Variants in NRXN1 observed in about 807,000 individuals in gnomAD.
NRXN1 encodes the protein neurexin 1, also known as neurexin-1.
NRXN1 carries 39 observed loss-of-function variants against 150.9 expected under a neutral mutation model. The observed-to-expected ratio is 0.26, with a 90% CI of 0.20 to 0.34. NRXN1 has a LOEUF of 0.34. Among genes scored for constraint, NRXN1 ranks in the 10% least tolerant of loss-of-function variants. NRXN1 has a pLI of 1.00. For missense variants in NRXN1, 1,815 were observed against 1,949.9 expected (o/e 0.93, Z 1.30); for synonymous variants, 924 against 757.0 (o/e 1.22, Z -3.62).
chr2:50,391,278 T>C (rs1021697419), intron 17 of NRXN1, among the ~76,000 whole-genome samples: 1 of 151,228 alleles, frequency 6.6e-6, no homozygotes, highest in Non-Finnish European at 1.5e-5. Flanking sequence ...AATGCTGGAA[T>C]AAAAGAGAAG....
chr2:50,693,134 C>G (rs1692307505), intron 5 of NRXN1, among the ~76,000 whole-genome samples: 2 of 152,076 alleles, frequency 1.3e-5, no homozygotes, highest in African/African-American at 2.4e-5. Context: ...TTCTGATAGG[C>G]CAAGGTTTTT....
intron 5 of NRXN1, among the ~76,000 whole-genome samples, chr2:50,800,496 A>G (rs979678972): frequency 6.6e-6 from 1 of 152,212 alleles, no homozygotes; most frequent in Non-Finnish European, 1.5e-5. Flanking sequence ...ATGAGTTGCT[A>G]CTGCCTAACT....
At chr2:50,536,445 A>G (rs773689277) in intron 10 of NRXN1, among the ~76,000 whole-genome samples, 2 of 152,140 alleles carry the variant, frequency 1.3e-5, no homozygotes, top group Non-Finnish European at 2.9e-5. Flanking sequence ...GCAATATATA[A>G]ATATTTCTTC....
chr2:50,704,290 T>C (rs1201538710), intron 5 of NRXN1, among the ~76,000 whole-genome samples: 1 of 151,964 alleles, frequency 6.6e-6, no homozygotes, highest in Admixed American at 6.6e-5. Flanking sequence ...CACAATTGGG[T>C]CAAGCACAAT....
intron 2 of NRXN1, chr2:50,985,241 A>C (rs1429531929): frequency 6.6e-6 from 1 of 151,974 alleles, no homozygotes; most frequent in African/African-American, 2.4e-5. Flanking sequence ...AGGTATTCTC[A>C]AACAAGGTTA....
At chr2:50,791,244 TGGAAATTGGATAA>T (rs1185625042) in intron 5 of NRXN1, among the ~76,000 whole-genome samples, 1 of 145,236 alleles carries the variant, frequency 6.9e-6, no homozygotes, top group Non-Finnish European at 1.5e-5. Context: ...ACAGTGGAAT[TGGAAATTGGATAA>T]GTTCCCTTGA....
In NRXN1 at chr2:50,866,200, A is replaced by G. The variant is rs146865026; in HGVS notation, c.832+55669T>C. Among the ~76,000 whole-genome samples, 521 of 152,048 alleles carry G rather than the reference A, an allele frequency of 3.4e-3. 4 individuals are homozygous for G. Among genetic ancestry groups the G allele is most frequent in the African/African-American group, 0.011 (468 of 41,544 alleles). On this transcript the variant is annotated intron_variant, in intron 5 of 22. Coordinates refer to ENST00000401669, the MANE Select transcript of NRXN1 (RefSeq NM_001330078.2). Reference sequence around the variant, plus strand: ...ATATCAATTATTAGAGAAAAATGTGAAGAGTTCCACCACATTGAAACTGTG... The same window carrying G: ...ATATCAATTATTAGAGAAAAATGTGGAGAGTTCCACCACATTGAAACTGTG...
intron 17 of NRXN1, among the ~76,000 whole-genome samples, chr2:50,456,856 T>C (rs1464489666): frequency 1.3e-5 from 2 of 152,130 alleles, no homozygotes; most frequent in Non-Finnish European, 2.9e-5. Flanking sequence ...AGTCTTTTTT[T>C]CTTTCTGCCT....
intron 8 of NRXN1, among the ~76,000 whole-genome samples, chr2:50,556,031 T>C (rs890296952): frequency 1.3e-5 from 2 of 152,190 alleles, no homozygotes; most frequent in Non-Finnish European, 2.9e-5. Context: ...CTACAAGAAC[T>C]ATCTTGAGAA....
intron 5 of NRXN1, among the ~76,000 whole-genome samples, chr2:50,728,447 A>G (rs983930866): frequency 1.3e-5 from 2 of 152,240 alleles, no homozygotes; most frequent in Non-Finnish European, 2.9e-5. Flanking sequence ...GCAGAAAACC[A>G]TCAACCATGT....
intron 18 of NRXN1, among the ~76,000 whole-genome samples, chr2:50,165,645 G>A (rs570386853): frequency 1.2e-4 from 18 of 152,224 alleles, no homozygotes; most frequent in Middle Eastern, 3.4e-3. Context: ...CACCCACCGC[G>A]CCCAGCCAGC....
At chr2:50,017,583 A>C (rs1469794) in intron 21 of NRXN1, among the ~76,000 whole-genome samples, 1 of 151,838 alleles carries the variant, frequency 6.6e-6, no homozygotes, top group Non-Finnish European at 1.5e-5. Context: ...GAACAGCTCA[A>C]TGAATTCTGG....
chr2:50,629,300 G>A (rs1326310265), intron 5 of NRXN1, among the ~76,000 whole-genome samples: 1 of 151,588 alleles, frequency 6.6e-6, no homozygotes, highest in Non-Finnish European at 1.5e-5. Flanking sequence ...TCTATGAGCT[G>A]CAACTGCAAC....
At chr2:50,535,210 G>A (rs1233825778) in intron 10 of NRXN1, among the ~76,000 whole-genome samples, 1 of 152,160 alleles carries the variant, frequency 6.6e-6, no homozygotes, top group Non-Finnish European at 1.5e-5. Flanking sequence ...CAGCATCCTT[G>A]AACACTAGTA....
chr2:50,292,139 A>G (rs1217594154), intron 17 of NRXN1, among the ~76,000 whole-genome samples: 2 of 152,164 alleles, frequency 1.3e-5, no homozygotes, highest in Non-Finnish European at 2.9e-5. Flanking sequence ...CTCTTTTTGC[A>G]TTGCTATTAG....
chr2:50,323,154 G>C (rs2076160052), intron 17 of NRXN1, among the ~76,000 whole-genome samples: 2 of 152,150 alleles, frequency 1.3e-5, no homozygotes, highest in South Asian at 4.1e-4. Context: ...TGGTTGTTCA[G>C]AGTCTGTCAT....
chr2:50,090,326 T>G (rs1213581488), intron 19 of NRXN1, among the ~76,000 whole-genome samples: 1 of 152,184 alleles, frequency 6.6e-6, no homozygotes, highest in Admixed American at 6.5e-5. Context: ...ATAAGTGTGA[T>G]AGAAGAATTT....
intron 8 of NRXN1, among the ~76,000 whole-genome samples, chr2:50,576,112 T>A (rs2105490518): frequency 6.6e-6 from 1 of 152,322 alleles, no homozygotes; most frequent in South Asian, 2.1e-4. Context: ...TAGATTCATT[T>A]GAAAATATGT....
chr2:50,984,125 G>A (rs919313107), intron 2 of NRXN1, among the ~76,000 whole-genome samples: 10 of 137,234 alleles, frequency 7.3e-5, no homozygotes, highest in Non-Finnish European at 1.2e-4. Flanking sequence ...TCACTGCCAC[G>A]CCAGGCTAAT....
Sources: allele counts gnomAD v4.1 joint callset (sites outside exome capture counted in the v4.1 genomes callset), GRCh38; gene constraint gnomAD v4.1.1; transcripts MANE v1.5; gene names NCBI Gene and HGNC (gene_info 2026-07-23, HGNC 2026-07-21).